FGF13: variants seen among roughly 807,000 people sequenced by gnomAD.
FGF13 encodes fibroblast growth factor 13.
FGF13 carries 2 observed loss-of-function variants against 19.5 expected under a neutral mutation model. That is an observed-to-expected ratio of 0.10 (90% CI 0.04 to 0.32). The LOEUF is 0.32. FGF13 is among the 10% of genes least tolerant of loss of function. The pLI, the probability that FGF13 is intolerant of heterozygous loss-of-function variation, is 1.00. For missense variants in FGF13, 113 were observed against 192.7 expected, an observed-to-expected ratio of 0.59 and a Z score of 2.45; for synonymous variants, 72 against 76.9, an observed-to-expected ratio of 0.94 and a Z score of 0.33.
intron 1 of FGF13, among the ~76,000 whole-genome samples, chrX:139,139,499 A>C (rs911489606): frequency 8.9e-6 from 1 of 112,563 alleles, no homozygotes; most frequent in Non-Finnish European, 1.9e-5. Context: ...GAGACTACAC[A>C]AAGGAAGGCA....
At chrX:139,157,567 A>AGAAGGCCTTCACCCCAT (rs1374931411) in intron 1 of FGF13, among the ~76,000 whole-genome samples, 1 of 112,516 alleles carries the variant, frequency 8.9e-6, no homozygotes, top group East Asian at 2.8e-4. Context: ...TGATGCAGCA[A>AGAAGGCCTTCACCCCAT]GAAGGCCTTC....
At chrX:138,657,573 GC>G (rs2089450129) in intron 3 of FGF13, among the ~76,000 whole-genome samples, 1 of 111,819 alleles carries the variant, frequency 8.9e-6, no homozygotes, top group Non-Finnish European at 1.9e-5. Flanking sequence ...CAATCATATT[GC>G]ATGTGATGAC....
At chrX:138,976,073 C>T (rs1213219949) in intron 1 of FGF13, among the ~76,000 whole-genome samples, 2 of 111,598 alleles carry the variant, frequency 1.8e-5, no homozygotes, top group African/African-American at 6.5e-5. Flanking sequence ...CTGCTGTTTT[C>T]AGTCTGGTCT....
At chrX:138,890,912 G>C (rs2091473497) in intron 1 of FGF13, among the ~76,000 whole-genome samples, 1 of 112,035 alleles carries the variant, frequency 8.9e-6, no homozygotes, top group African/African-American at 3.2e-5. Context: ...TGTCATTTCT[G>C]TTAATGTGTG....
At chrX:138,786,369 C>T (rs982936655) in intron 3 of FGF13, among the ~76,000 whole-genome samples, 16 of 111,566 alleles carry the variant, frequency 1.4e-4, no homozygotes, top group African/African-American at 5.2e-4. Context: ...AATACCCACT[C>T]TGTATCTGCA....
At chrX:138,812,213 A>G (rs1482021617) in intron 3 of FGF13, among the ~76,000 whole-genome samples, 1 of 111,868 alleles carries the variant, frequency 8.9e-6, no homozygotes, top group Non-Finnish European at 1.9e-5. Context: ...AATGTTTTCA[A>G]AGTTTATCCA....
Position 139,039,897 on chromosome X carries a change from T to G in FGF13, c.-113+163519A>C, listed in dbSNP as rs889076701. Among the ~76,000 whole-genome samples the G allele has an allele frequency of 1.8e-5, 2 of 111,294 alleles. 1 individual carries two copies. The highest frequency in any genetic ancestry group is 6.5e-5 in the African/African-American group (2 of 30,591). ...TGACCCTTTATAATGCAAGGGAAGG[T>G]GAAAAATATGAGACGTGTCAGAAGA... is the stretch of plus-strand genomic sequence containing the variant. On this transcript the variant is annotated intron_variant, in intron 1 of 2. Transcript: ENST00000421460.
chrX:138,998,138 G>A (rs1214714187), intron 1 of FGF13, among the ~76,000 whole-genome samples: 1 of 111,408 alleles, frequency 9.0e-6, no homozygotes, highest in African/African-American at 3.3e-5. Context: ...AATGCTGAGA[G>A]ATTTTGTCAC....
chrX:138,932,474 G>A (rs1264702854), intron 1 of FGF13, among the ~76,000 whole-genome samples: 1 of 102,416 alleles, frequency 9.8e-6, no homozygotes, highest in Non-Finnish European at 2.0e-5. Flanking sequence ...AGCTACTCTG[G>A]AGGCTGAGGT....
intron 1 of FGF13, among the ~76,000 whole-genome samples, chrX:138,996,322 C>T (rs1037787620): frequency 8.9e-6 from 1 of 112,544 alleles, no homozygotes; most frequent in Admixed American, 9.3e-5. Flanking sequence ...TACACTCCTG[C>T]CCAGATACTG....
intron 1 of FGF13, among the ~76,000 whole-genome samples, chrX:139,191,595 G>C (rs2084329703): frequency 1.8e-5 from 2 of 111,546 alleles, no homozygotes; most frequent in African/African-American, 6.5e-5. Flanking sequence ...CAATGCACTT[G>C]ATTGGTCATG....
intron 1 of FGF13, among the ~76,000 whole-genome samples, chrX:139,152,517 G>A (rs1486184977): frequency 1.8e-5 from 2 of 109,935 alleles, no homozygotes; most frequent in East Asian, 2.9e-4. Flanking sequence ...TATGTGGGGG[G>A]AAAGGTTGGA....
intron 1 of FGF13, among the ~76,000 whole-genome samples, chrX:139,170,374 A>G (rs938585280): frequency 2.7e-5 from 3 of 110,419 alleles, no homozygotes; most frequent in African/African-American, 9.9e-5. Flanking sequence ...TGAAGTTGAA[A>G]CCACCCAGCC....
rs990165565 is a variant in FGF13 at position 138,620,918 on chromosome X, A to C, written c.*11932T>G. The C allele has an allele frequency of 8.9e-6, 1 of 112,302 alleles. No homozygotes were observed. The highest frequency in any genetic ancestry group is 3.2e-5 in the African/African-American group (1 of 30,930). The allele number at this position is 112,302 out of a possible 1,213,427, so 9.3% of individuals were successfully genotyped here. A position where few individuals can be genotyped will look rare whatever the true frequency, so the allele number is the denominator to read the frequency against. ...CCATTATATAAAAATAAATGAGTCA[A>C]TTCATCAACAAGATGCAATTTTGAA... On this transcript the variant is annotated 3_prime_UTR_variant, in exon 5 of 5. Coordinates refer to ENST00000315930, the MANE Select transcript of FGF13 (RefSeq NM_004114.5).
In FGF13 at chrX:138,979,853, G is replaced by C. The variant is rs746393010; in HGVS notation, c.-112-115203C>G. 8.1e-5 allele frequency among the ~76,000 whole-genome samples: 9 copies of C among 111,468 alleles called. No individual in the cohort carries two copies. In the East Asian group the frequency reaches 2.3e-3, roughly 28 times the overall value. ...TCAGTAGCGAGATGCTTGTCACAGG[G>C]GAATATAATGAAATCAGACTCTTTC... On this transcript the variant is annotated intron_variant, in intron 1 of 2. Coordinates refer to the FGF13 transcript ENST00000421460.
rs752891428 is a variant in FGF13, at chrX:138,622,253, C to T, written c.*10597G>A. The T allele has an allele frequency of 1.8e-5, 2 of 111,280 alleles. No individual in the cohort carries two copies. The highest frequency in any genetic ancestry group is 3.8e-5 in the Non-Finnish European group (2 of 52,988). 9.2% of individuals were successfully genotyped at this position (111,280 alleles called of 1,213,427 possible). A position where few individuals can be genotyped will look rare whatever the true frequency, so the allele number is the denominator to read the frequency against. ...TTAACATCACATTAAAAAGATCATT[C>T]ACCATAATCAAGTGAGAGTTATCCC... is the stretch of plus-strand genomic sequence containing the variant. On this transcript the variant is annotated 3_prime_UTR_variant, in exon 5 of 5. Coordinates refer to ENST00000315930, the MANE Select transcript of FGF13 (RefSeq NM_004114.5).
At position 138,660,953 on chromosome X, in the gene FGF13, T is replaced by C. The variant is rs181280053; in HGVS notation, c.403-25298A>G. On this transcript the variant is annotated intron_variant, in intron 3 of 4. Transcript: ENST00000315930. ...AAAAATATAACTAGGAAGTTTCATT[T>C]CTGTCCCCAAACAGTATGTTATACA... is the stretch of plus-strand genomic sequence containing the variant. Among the ~76,000 whole-genome samples the C allele has an allele frequency of 9.7e-4, 109 of 111,806 alleles. 1 individual carries two copies. Among genetic ancestry groups the C allele is most frequent in the African/African-American group, 3.5e-3 (107 of 30,861 alleles).
At chrX:139,180,427 G>A (rs2084229383) in intron 1 of FGF13, among the ~76,000 whole-genome samples, 1 of 111,729 alleles carries the variant, frequency 9.0e-6, no homozygotes, top group Non-Finnish European at 1.9e-5. Context: ...TGCACAAATT[G>A]CTCTGAGCTG....
At chrX:138,782,082 G>A (rs899198368) in intron 3 of FGF13, among the ~76,000 whole-genome samples, 10 of 111,772 alleles carry the variant, frequency 8.9e-5, no homozygotes, top group Non-Finnish European at 1.9e-5. Flanking sequence ...AATAGATGCA[G>A]AAAAGGCCTT....
Sources: gnomAD v4.1 joint callset for allele counts (sites outside exome capture counted in the v4.1 genomes callset) on GRCh38, gnomAD v4.1.1 for gene constraint, MANE v1.5 for transcripts, NCBI Gene and HGNC (gene_info 2026-07-23, HGNC 2026-07-21) for gene names.